MYO5A: variants seen among roughly 807,000 people sequenced by gnomAD.
MYO5A encodes the protein unconventional myosin-Va.
Under a neutral mutation model 249.7 loss-of-function variants are expected in MYO5A, and 98 were observed. That is an observed-to-expected ratio of 0.39 (90% CI 0.33 to 0.46). The LOEUF is 0.46. Ranked by LOEUF, MYO5A falls within the 20% of genes least tolerant of loss-of-function variation. The pLI is 0.98. For synonymous variants in MYO5A, 778 were observed against 810.6 expected (o/e 0.96, Z 0.68); for missense variants, 1,696 against 2,308.8 (o/e 0.73, Z 5.44).
intron 32 of MYO5A, among the ~76,000 whole-genome samples, chr15:52,339,297 T>C (rs1395279449): frequency 6.6e-6 from 1 of 152,178 alleles, no homozygotes; most frequent in East Asian, 1.9e-4. Flanking sequence ...TATTTTATTA[T>C]AGGTCATTAA....
intron 29 of MYO5A, 84 bp from the exon 30 acceptor site, chr15:52,346,545 G>T: frequency 4.7e-6 from 4 of 860,208 alleles, no homozygotes; most frequent in Non-Finnish European, 7.7e-6. Context: ...TATAACTGGG[G>T]GGCAGTGGTT....
At chr15:52,329,827 C>T (rs2038786681) in intron 35 of MYO5A, among the ~76,000 whole-genome samples, 1 of 151,400 alleles carries the variant, frequency 6.6e-6, no homozygotes, top group Non-Finnish European at 1.5e-5. Context: ...TAGTCTTGAA[C>T]TCCTGGGCTT....
At chr15:52,523,794 G>A (rs892281266) in intron 1 of MYO5A, among the ~76,000 whole-genome samples, 1 of 152,222 alleles carries the variant, frequency 6.6e-6, no homozygotes, top group Non-Finnish European at 1.5e-5. Context: ...AAATTCAAAT[G>A]GAAAGGGCAT....
chr15:52,504,707 T>C (rs2077230189), intron 1 of MYO5A, among the ~76,000 whole-genome samples: 1 of 151,930 alleles, frequency 6.6e-6, no homozygotes, highest in Admixed American at 6.6e-5. Flanking sequence ...CAAGACCAGA[T>C]GGTGAAACCC....
chr15:52,367,659 C>T (rs1802683537), intron 22 of MYO5A, among the ~76,000 whole-genome samples: 1 of 152,094 alleles, frequency 6.6e-6, no homozygotes, highest in African/African-American at 2.4e-5. Flanking sequence ...TTGGGAAATT[C>T]ACTGAAGAGC....
At chr15:52,335,574 T>A (rs554085970) in intron 34 of MYO5A, among the ~76,000 whole-genome samples, 1 of 146,060 alleles carries the variant, frequency 6.8e-6, no homozygotes, top group African/African-American at 2.5e-5. Context: ...CACTGCTAGA[T>A]CCCTGTACCT....
At chr15:52,443,315 CTAAAATTTTAATGAA>C (rs1227895867) in intron 1 of MYO5A, among the ~76,000 whole-genome samples, 2 of 152,146 alleles carry the variant, frequency 1.3e-5, no homozygotes, top group African/African-American at 2.4e-5. Context: ...ATGCTGAAGA[CTAAAATTTTAATGAA>C]TGAGCTCAGG....
At chr15:52,429,581 CG>C (rs2075477388) in intron 2 of MYO5A, among the ~76,000 whole-genome samples, 2 of 151,944 alleles carry the variant, frequency 1.3e-5, no homozygotes, top group South Asian at 4.2e-4. Context: ...TCCAAATACT[CG>C]GGAGGCTGAG....
intron 14 of MYO5A, among the ~76,000 whole-genome samples, chr15:52,385,578 T>TA (rs1567075686): frequency 7.3e-5 from 11 of 149,738 alleles, no homozygotes; most frequent in East Asian, 3.9e-4. Context: ...ATATATATAT[T>TA]TTTTTAAACT....
chr15:52,330,467 T>G lies in MYO5A; in HGVS notation c.4441A>C (p.Ile1481Leu). 1 of 1,614,104 alleles carries G rather than the reference T, an allele frequency of 6.2e-7. No homozygotes were observed. The highest frequency in any genetic ancestry group is 8.5e-7 in the Non-Finnish European group (1 of 1,179,986). Residue 1481 changes from isoleucine (I) to leucine (L), a missense_variant, in exon 35 of 42, where the codon ATC (isoleucine) becomes CTC (leucine). Coordinates refer to ENST00000399233, the MANE Select transcript of MYO5A (RefSeq NM_001382347.1). The part of the protein sequence containing the change: ...GQMENISPGQ[I>L]IDEPIRPVNI... Reference sequence around the variant, plus strand: ...ACTGGTCGGATGGGTTCATCAATGATCTGTCCTGGGGATATGTTCTCCATC... The same window carrying G: ...ACTGGTCGGATGGGTTCATCAATGAGCTGTCCTGGGGATATGTTCTCCATC...
intron 25 of MYO5A, among the ~76,000 whole-genome samples, chr15:52,356,942 A>G (rs1391574222): frequency 6.6e-6 from 1 of 151,872 alleles, no homozygotes; most frequent in East Asian, 1.9e-4. Context: ...GTAGGCATTT[A>G]TAGGCTGTCA....
chr15:52,340,130 C>A (rs2039310252), intron 32 of MYO5A, 66 bp downstream of exon 32: 1 of 1,569,734 alleles, frequency 6.4e-7, no homozygotes, highest in Non-Finnish European at 8.7e-7. Context: ...CGTGTTTGAT[C>A]AAAAAGAAAC....
At chr15:52,436,911 G>A (rs2075676284) in intron 1 of MYO5A, among the ~76,000 whole-genome samples, 2 of 152,202 alleles carry the variant, frequency 1.3e-5, no homozygotes, top group Non-Finnish European at 2.9e-5. Context: ...CACCAGATGG[G>A]CCTTGGCCTT....
At chr15:52,465,673 T>G (rs1458284477) in intron 1 of MYO5A, among the ~76,000 whole-genome samples, 1 of 152,000 alleles carries the variant, frequency 6.6e-6, no homozygotes, top group East Asian at 1.9e-4. Flanking sequence ...ATAAATAGAA[T>G]AAATTTAAAA....
chr15:52,362,460 A>G (rs1211826330), intron 24 of MYO5A, among the ~76,000 whole-genome samples: 1 of 152,178 alleles, frequency 6.6e-6, no homozygotes, highest in Non-Finnish European at 1.5e-5. Flanking sequence ...CAAGTTTTTT[A>G]TTCTCTGCAA....
At chr15:52,422,835 G>A (rs1486062521) in intron 4 of MYO5A, among the ~76,000 whole-genome samples, 1 of 152,142 alleles carries the variant, frequency 6.6e-6, no homozygotes, top group Admixed American at 6.5e-5. Context: ...TCCCACCTCT[G>A]ACTCCTGAGT....
intron 1 of MYO5A, 44 bp downstream of exon 1, chr15:52,528,736 G>A: frequency 6.7e-7 from 1 of 1,491,998 alleles, no homozygotes; most frequent in Non-Finnish European, 8.9e-7. Context: ...GGCGGCGAGG[G>A]CCGCACAGCC....
In MYO5A at chr15:52,422,872, A is replaced by G. The variant is rs372566046; in HGVS notation, c.455+2958T>C. Among the ~76,000 whole-genome samples the G allele has an allele frequency of 9.1e-4, 139 of 152,210 alleles. 1 individual carries two copies. The highest frequency in any genetic ancestry group is 3.2e-3 in the African/African-American group (133 of 41,528). On this transcript the variant is annotated intron_variant, in intron 4 of 41. Transcript: ENST00000399233. ...GCTGGGACTAAAGGCACAGGCCACC[A>G]TGCCTGGCTAGTTTTTGTATTTTGT...
Position 52,372,176 on chromosome 15 carries a change from T to G in MYO5A, c.2765A>C (p.His922Pro). The G allele has an allele frequency of 6.2e-7, 1 of 1,613,732 alleles. No homozygotes were observed. Among genetic ancestry groups the G allele is most frequent in the East Asian group, 2.2e-5 (1 of 44,880 alleles). Residue 922 changes from histidine to proline, a missense_variant, in exon 21 of 42, where the codon CAC becomes CCC. Physicochemically the swap from His to Pro is moderately conservative, Grantham distance 77 (BLOSUM62 -2). Around this residue, in one of 5 missense-constraint regions of MYO5A, gnomAD observed 412 missense variants for 453.3 expected, o/e 0.91. Transcript: ENST00000399233. ...CATGATCTTGTTCTCCATGCCGATG[T>G]GCAGCTTCTTATAGCGCTCCACTGA... The part of the protein sequence containing the change: ...ARSVERYKKL[H>P]IGMENKIMQL...
Sources: allele counts gnomAD v4.1 joint callset (sites outside exome capture counted in the v4.1 genomes callset), GRCh38; gene constraint gnomAD v4.1.1; regional missense constraint gnomAD v4.1.1; transcripts MANE v1.5; gene names NCBI Gene and HGNC (gene_info 2026-07-23, HGNC 2026-07-21).